ATP9B: variants seen among roughly 807,000 people sequenced by gnomAD.
ATP9B encodes ATPase phospholipid transporting 9B.
A neutral mutation model predicts 146.1 loss-of-function variants in ATP9B; 110 were observed. That is an observed-to-expected ratio of 0.75 (90% CI 0.65 to 0.88). ATP9B has a LOEUF of 0.88. Ranked by LOEUF, ATP9B falls within the 40% of genes least tolerant of loss-of-function variation. ATP9B has a pLI of 0.00. For synonymous variants in ATP9B, 604 were observed against 569.7 expected (o/e 1.06, Z -0.86); for missense variants, 1,499 against 1,496.4 (o/e 1.00, Z -0.03).
At chr18:79,345,663 A>C in intron 22 of ATP9B, 91 bp downstream of exon 22, 2 of 1,598,408 alleles carry the variant, frequency 1.3e-6, no homozygotes, top group Non-Finnish European at 8.5e-7. Flanking sequence ...CTCTAAAACT[A>C]GATTGATTTC....
chr18:79,127,997 T>C (rs978486593), intron 5 of ATP9B, among the ~76,000 whole-genome samples: 1 of 152,060 alleles, frequency 6.6e-6, no homozygotes, highest in Non-Finnish European at 1.5e-5. Context: ...TTCATTTGCT[T>C]ATTAGCTGTT....
chr18:79,091,802 C>G (rs1160148694), intron 1 of ATP9B, among the ~76,000 whole-genome samples: 1 of 152,190 alleles, frequency 6.6e-6, no homozygotes, highest in Non-Finnish European at 1.5e-5. Flanking sequence ...CTAGGACTTC[C>G]AGTACTATGT....
In ATP9B at chr18:79,342,363, A is replaced by G. The variant is rs2096863996; in HGVS notation, c.2379A>G (p.Arg793=). The G allele has an allele frequency of 3.1e-6, 5 of 1,606,610 alleles. No homozygotes were observed. Among genetic ancestry groups the G allele is most frequent in the Non-Finnish European group, 4.3e-6 (5 of 1,173,492 alleles). The change falls in exon 20 of 30, where the codon AGA becomes AGG. Residue 793 remains arginine (R), a synonymous_variant. Coordinates refer to ENST00000426216, the MANE Select transcript of ATP9B (RefSeq NM_198531.5). The stretch of plus-strand genomic sequence containing the variant: ...GAACACAAGATATTCATATTTTCAG[A>G]CAGGTAAGTATGTATCTTAATCACT... ...VSRTQDIHIF[R]QVTSRGEAHL...
At chr18:79,369,887 T>G (rs1009616741) in intron 26 of ATP9B, among the ~76,000 whole-genome samples, 1 of 152,176 alleles carries the variant, frequency 6.6e-6, no homozygotes, top group African/African-American at 2.4e-5. Context: ...TCACCTGAGG[T>G]CAGGAGTTCA....
chr18:79,071,049 C>CTTTTTTCTTTT (rs1555723402), intron 1 of ATP9B, among the ~76,000 whole-genome samples: 4,855 of 111,984 alleles, frequency 0.043, 383 homozygotes, highest in African/African-American at 0.16. Flanking sequence ...ATTCCTGTTT[C>CTTTTTTCTTTT]TTTTTTTTTT....
chr18:79,131,250 AAGAATG>A (rs1487740735), intron 5 of ATP9B, among the ~76,000 whole-genome samples: 2 of 152,240 alleles, frequency 1.3e-5, no homozygotes, highest in African/African-American at 4.8e-5. Flanking sequence ...TGTAAAAAGA[AAGAATG>A]AGAGAAAATT....
In ATP9B at chr18:79,347,847, C is replaced by G. The variant is rs201794360; in HGVS notation, c.2760C>G (p.His920Gln). The G allele has an allele frequency of 1.9e-6, 3 of 1,613,632 alleles. No individual in the cohort carries two copies. ...FRHIGRLLMV[H>Q]GRNSYKRSAA... ...ACATAGGCAGGCTGCTCATGGTGCA[C>G]GGGCGGAACAGCTACAAGAGGTCGG... Residue 920 changes from histidine (H) to glutamine (Q), a missense_variant, in exon 24 of 30, where the codon CAC becomes CAG. Coordinates refer to ENST00000426216, the MANE Select transcript of ATP9B (RefSeq NM_198531.5).
intron 2 of ATP9B, among the ~76,000 whole-genome samples, chr18:79,102,071 GA>G (rs1316673185): frequency 6.6e-6 from 1 of 151,884 alleles, no homozygotes; most frequent in Non-Finnish European, 1.5e-5. Context: ...TCAGCCTTTC[GA>G]GTAGCTGGGA....
intron 11 of ATP9B, among the ~76,000 whole-genome samples, chr18:79,222,961 T>C (rs78236290): frequency 0.025 from 3,869 of 152,326 alleles, 72 homozygotes; most frequent in South Asian, 0.072. Flanking sequence ...GCCATTTTCA[T>C]GCCATTCATA....
intron 4 of ATP9B, among the ~76,000 whole-genome samples, chr18:79,118,472 C>G (rs1340150247): frequency 2.2e-5 from 3 of 137,868 alleles, no homozygotes; most frequent in Admixed American, 1.6e-4. Context: ...GCGATCTCGG[C>G]TCACTGCAAG....
At chr18:79,339,011 G>T (rs1434126702) in intron 19 of ATP9B, among the ~76,000 whole-genome samples, 1 of 152,222 alleles carries the variant, frequency 6.6e-6, no homozygotes, top group African/African-American at 2.4e-5. Flanking sequence ...CTGTCTAGAG[G>T]TCTGCATGGT....
intron 11 of ATP9B, among the ~76,000 whole-genome samples, chr18:79,236,863 G>A (rs1312069054): frequency 2.5e-5 from 3 of 120,330 alleles, no homozygotes; most frequent in Admixed American, 8.4e-5. Flanking sequence ...TACACGGTCC[G>A]TGCACGAGTC....
chr18:79,275,931 C>G (rs1376473774), intron 12 of ATP9B, among the ~76,000 whole-genome samples: 2 of 152,182 alleles, frequency 1.3e-5, no homozygotes, highest in East Asian at 3.8e-4. Context: ...ATTTAATGTT[C>G]TTTAACTTAC....
At chr18:79,240,580 T>A (rs956177481) in intron 11 of ATP9B, among the ~76,000 whole-genome samples, 5 of 152,092 alleles carry the variant, frequency 3.3e-5, no homozygotes, top group Non-Finnish European at 5.9e-5. Context: ...ACCCCGTCTC[T>A]ACTAAAAATA....
intron 11 of ATP9B, among the ~76,000 whole-genome samples, chr18:79,245,443 G>T (rs73973027): frequency 6.6e-6 from 1 of 152,124 alleles, no homozygotes; most frequent in Non-Finnish European, 1.5e-5. Context: ...CAGTAAATCT[G>T]TTCAGGATCT....
chr18:79,233,144 T>C (rs1460453544), intron 11 of ATP9B, among the ~76,000 whole-genome samples: 1 of 151,324 alleles, frequency 6.6e-6, no homozygotes, highest in East Asian at 1.9e-4. Flanking sequence ...ATACAAAAAT[T>C]AGCCAGGTGA....
rs1801896882 is a variant in ATP9B, at chr18:79,154,526, TG to T, written c.751del (p.Val251CysfsTer19). 1 of 1,543,012 alleles carries T rather than the reference TG, an allele frequency of 6.5e-7. No homozygotes were observed. Among genetic ancestry groups the T allele is most frequent in the East Asian group, 2.4e-5 (1 of 41,590 alleles). On this transcript the variant is annotated frameshift_variant, in exon 7 of 30. Coordinates refer to ENST00000426216, the MANE Select transcript of ATP9B (RefSeq NM_198531.5). LOFTEE classifies it high-confidence loss of function. Reference protein sequence around the residue: ...VEKNQRIPSDMVFLRTSEKAG... With the variant: ...VEKNQRIPSDXVFLRTSEKAG... ...CAGAATCAAAGAATTCCATCGGACA[TG>T]GTGTTTCTTAGGACTTCAGAAAAAG...
At chr18:79,279,083 C>T (rs985017592) in intron 13 of ATP9B, among the ~76,000 whole-genome samples, 1 of 152,106 alleles carries the variant, frequency 6.6e-6, no homozygotes, top group Admixed American at 6.5e-5. Context: ...TGGGGTGGCA[C>T]GGGAAGCCAT....
At chr18:79,326,097 C>CTGAG in intron 15 of ATP9B, among the ~76,000 whole-genome samples, 1 of 52,796 alleles carries the variant, frequency 1.9e-5, no homozygotes. Flanking sequence ...CCCTCCCTCC[C>CTGAG]CTCACATGGT....
Sources: allele counts gnomAD v4.1 joint callset (sites outside exome capture counted in the v4.1 genomes callset), GRCh38; gene constraint gnomAD v4.1.1; transcripts MANE v1.5; gene names NCBI Gene and HGNC (gene_info 2026-07-23, HGNC 2026-07-21).